Variants in SIGLEC11 observed in about 807,000 individuals in gnomAD.
The protein encoded by SIGLEC11 is sialic acid binding Ig like lectin 11.
SIGLEC11 carries 47 observed loss-of-function variants against 61.2 expected under a neutral mutation model. The ratio of observed to expected loss-of-function variants is 0.77; its 90% CI spans 0.61 to 0.98. SIGLEC11 has a LOEUF of 0.98. SIGLEC11 is among the 50% of genes least tolerant of loss of function. The pLI is 0.00. For missense variants in SIGLEC11, 610 were observed against 870.3 expected (o/e 0.70, Z 3.76); for synonymous variants, 278 against 373.1 (o/e 0.75, Z 2.94).
intron 8 of SIGLEC11, among the ~76,000 whole-genome samples, chr19:49,953,504 A>G (rs1342531453): frequency 6.6e-6 from 1 of 152,176 alleles, no homozygotes; most frequent in Admixed American, 6.5e-5. Context: ...TACCACCCTA[A>G]TTAGGAACTT....
At chr19:49,954,101 G>A (rs995887716) in intron 8 of SIGLEC11, among the ~76,000 whole-genome samples, 1 of 152,092 alleles carries the variant, frequency 6.6e-6, no homozygotes, top group Admixed American at 6.5e-5. Context: ...GCACAGACAA[G>A]ACTAACCTGG....
At chr19:49,952,119 G>C in intron 9 of SIGLEC11, 147 bp from the exon 10 acceptor site, 1 of 1,018,256 alleles carries the variant, frequency 9.8e-7, no homozygotes, top group African/African-American at 1.6e-5. Context: ...AGTGAGAACT[G>C]GGGACCCTCA....
Position 49,960,376 on chromosome 19 carries a change from G to T in SIGLEC11, c.506C>A (p.Pro169His). The T allele has an allele frequency of 6.3e-7, 1 of 1,598,854 alleles. No individual in the cohort carries two copies. Among genetic ancestry groups the T allele is most frequent in the Non-Finnish European group, 8.5e-7 (1 of 1,178,474 alleles). ...ACAGATGACCGTCACCGGCTGCCCG[G>T]GCTCCAGGGTCTCGGGGATGTAGAC... ...PDVYIPETLE[P>H]GQPVTVICVF... Residue 169 changes from proline to histidine, a missense_variant, in exon 3 of 11, where the codon CCC becomes CAC. By Grantham distance (77) the Pro-to-His change is moderately conservative. Coordinates refer to ENST00000447370, the MANE Select transcript of SIGLEC11 (RefSeq NM_052884.3).
Position 49,949,805 on chromosome 19 carries a change from G to T in SIGLEC11, c.*165C>A. On this transcript the variant is annotated 3_prime_UTR_variant, in exon 11 of 11. Transcript: ENST00000447370. ...TACAGTGAGCTGAGATTGCACCACTGGACTCTGGCCTGGAGGACAGAGTCA... is the reference window on the plus strand; with the variant it reads ...TACAGTGAGCTGAGATTGCACCACTTGACTCTGGCCTGGAGGACAGAGTCA... 1 of 640,864 alleles carries T rather than the reference G, an allele frequency of 1.6e-6. No individual in the cohort carries two copies. The highest frequency in any genetic ancestry group is 2.2e-6 in the Non-Finnish European group (1 of 446,372). 39.7% of individuals were successfully genotyped at this position (640,864 alleles called of 1,614,324 possible).
At chr19:49,960,461 G>A (rs748201465) in intron 2 of SIGLEC11, 40 bp from the exon 3 acceptor site, 13 of 1,593,524 alleles carry the variant, frequency 8.2e-6, no homozygotes, top group South Asian at 2.2e-5. Context: ...GTGCTGCAGG[G>A]GTCCCTGAGA....
rs2076190512 is a variant in SIGLEC11 at position 49,955,626 on chromosome 19, C to T, written c.1651+2657G>A. On this transcript the variant is annotated intron_variant, in intron 8 of 10. Transcript: ENST00000447370. This position sits in a 1 kb window ranked among gnomAD's most constrained non-coding sequence, Gnocchi z 4.5. ...AAAAAAAAGGCCAATCTGTTGGCAGCAGCCCTCATAAAAAGAAAAATTAGC... is the reference window on the plus strand; with the variant it reads ...AAAAAAAAGGCCAATCTGTTGGCAGTAGCCCTCATAAAAAGAAAAATTAGC... Among the ~76,000 whole-genome samples the T allele has an allele frequency of 2.6e-5, 4 of 152,140 alleles. No homozygotes were observed. In the South Asian group the frequency reaches 8.3e-4, roughly 32 times the overall value.
Position 49,950,149 on chromosome 19 carries a change from GCT to G in SIGLEC11, c.1916_1917del (p.Glu639AlafsTer79). ...CTGAGGGAGGCATAGTGGAGCTCCT[GCT>G]CTTCCCCCTTCCCCGGGGTGTAGGT... is the stretch of plus-strand genomic sequence containing the variant. ...AATYTPGKGE[E>X]QELHYASLSF... On this transcript the variant is annotated frameshift_variant, in exon 11 of 11. Coordinates refer to ENST00000447370, the MANE Select transcript of SIGLEC11 (RefSeq NM_052884.3). LOFTEE classifies it low-confidence loss of function (END_TRUNC). 6.2e-7 allele frequency: 1 copy of G among 1,612,014 alleles called. No individual in the cohort carries two copies. The highest frequency in any genetic ancestry group is 2.2e-5 in the East Asian group (1 of 44,850).
chr19:49,958,001 C>A (rs1220267519), intron 8 of SIGLEC11, among the ~76,000 whole-genome samples: 1 of 151,710 alleles, frequency 6.6e-6, no homozygotes, highest in South Asian at 2.1e-4. Context: ...AAAAAAAAAA[C>A]CAAAAAACAA....
chr19:49,956,715 G>A (rs574017502), intron 8 of SIGLEC11, among the ~76,000 whole-genome samples: 3 of 152,258 alleles, frequency 2.0e-5, no homozygotes, highest in Non-Finnish European at 2.9e-5. Flanking sequence ...GGGTCATGGG[G>A]ATACCACACT....
chr19:49,950,276 G>A, intron 10 of SIGLEC11, 40 bp from the exon 11 acceptor site: 1 of 1,462,572 alleles, frequency 6.8e-7, no homozygotes, highest in South Asian at 1.4e-5. Context: ...TAGGGTCATG[G>A]GGGCTAAGCG....
chr19:49,957,540 CAA>C (rs1457523672), intron 8 of SIGLEC11, among the ~76,000 whole-genome samples: 1 of 151,460 alleles, frequency 6.6e-6, no homozygotes, highest in Non-Finnish European at 1.5e-5. Context: ...AAAAAAAAGA[CAA>C]ATTCTTTTAC....
chr19:49,959,136 G>A (rs2076222576), intron 5 of SIGLEC11, 59 bp from the exon 6 acceptor site: 4 of 1,604,220 alleles, frequency 2.5e-6, no homozygotes, highest in Non-Finnish European at 1.7e-6. Flanking sequence ...CTGGGTAAAG[G>A]GAACTATCCT....
At position 49,950,120 on chromosome 19, in the gene SIGLEC11, G is replaced by C. The variant is rs752397823; in HGVS notation, c.1947C>G (p.Phe649Leu). The change falls in exon 11 of 11, where the codon TTC becomes TTG. Residue 649 changes from phenylalanine to leucine, a missense_variant. Physicochemically the swap from Phe to Leu is conservative, Grantham distance 22. This residue lies in a region of SIGLEC11 where 432 missense variants were observed against 441.5 expected (regional missense o/e 0.98). Coordinates refer to ENST00000447370, the MANE Select transcript of SIGLEC11 (RefSeq NM_052884.3). ...CAGGCTCCCAGAGCCTCAGGCCCTGGAAGCTGAGGGAGGCATAGTGGAGCT... is the reference window on the plus strand; with the variant it reads ...CAGGCTCCCAGAGCCTCAGGCCCTGCAAGCTGAGGGAGGCATAGTGGAGCT... ...EQELHYASLS[F>L]QGLRLWEPAD... is the part of the protein sequence containing the mutation. The C allele has an allele frequency of 2.5e-6, 4 of 1,612,592 alleles. No homozygotes were observed. The African/African-American group carries it at 5.4e-5, about 22-fold the overall frequency.
chr19:49,958,770 G>A lies in SIGLEC11; in HGVS notation c.1236C>T (p.Pro412=). 2 of 1,613,860 alleles carry A rather than the reference G, an allele frequency of 1.2e-6. No homozygotes were observed. Among genetic ancestry groups the A allele is most frequent in the Non-Finnish European group, 1.7e-6 (2 of 1,179,882 alleles). Reference sequence around the variant, plus strand: ...GGACCCCGGGGTCTGAGGGCTGGGAGGGGCCCACGGTCTGTCCCCACCGGG... The same window carrying A: ...GGACCCCGGGGTCTGAGGGCTGGGAAGGGCCCACGGTCTGTCCCCACCGGG... ...SWTRWGQTVG[P]SQPSDPGVLE... Residue 412 remains proline (P), a synonymous_variant, in exon 7 of 11, where the codon CCC becomes CCT. Coordinates refer to ENST00000447370, the MANE Select transcript of SIGLEC11 (RefSeq NM_052884.3).
intron 8 of SIGLEC11, among the ~76,000 whole-genome samples, chr19:49,953,960 A>G (rs2076177588): frequency 6.6e-6 from 1 of 152,176 alleles, no homozygotes; most frequent in South Asian, 2.1e-4. Flanking sequence ...CTTTCTTTTG[A>G]TGTTGGATGG....
Position 49,960,556 on chromosome 19 carries a change from T to C in SIGLEC11, c.456A>G (p.Val152=). 3 of 1,598,076 alleles carry C rather than the reference T, an allele frequency of 1.9e-6. No homozygotes were observed. The highest frequency in any genetic ancestry group is 2.2e-5 in the South Asian group (2 of 90,688). The part of the protein sequence containing the change: ...SFLSNAFFLK[V]TALTKKPDVY... ...GGTTCCCACCCCATTCCATACCTGT[T>C]ACTTTTAGAAAGAACGCATTGCTCA... The change falls in exon 2 of 11, where the codon GTA becomes GTG. Residue 152 remains valine, a synonymous_variant. Transcript: ENST00000447370.
rs1364362896 is a variant in SIGLEC11, at chr19:49,958,809, G to A, written c.1197C>T (p.Ala399=). 2 of 1,613,028 alleles carry A rather than the reference G, an allele frequency of 1.2e-6. No individual in the cohort carries two copies. Among genetic ancestry groups the A allele is most frequent in the Middle Eastern group, 1.7e-4 (1 of 6,058 alleles). The change falls in exon 7 of 11, where the codon GCC becomes GCT. Residue 399 remains alanine, a synonymous_variant. Coordinates refer to ENST00000447370, the MANE Select transcript of SIGLEC11 (RefSeq NM_052884.3). ...GTCCCCACCGGGTCCAGCTCAGCCTGGCTGGGGGGCTGCTGTGGGTGACAC... is the reference window on the plus strand; with the variant it reads ...GTCCCCACCGGGTCCAGCTCAGCCTAGCTGGGGGGCTGCTGTGGGTGACAC... ...LVCVTHSSPP[A]RLSWTRWGQT...
At chr19:49,952,455 C>T (rs2076165319) in intron 8 of SIGLEC11, 61 bp from the exon 9 acceptor site, 3 of 1,264,438 alleles carry the variant, frequency 2.4e-6, no homozygotes, top group South Asian at 1.3e-5. Context: ...CTGCCCCTTC[C>T]TCCCACAGAC....
chr19:49,952,027 A>G, intron 9 of SIGLEC11, 55 bp from the exon 10 acceptor site: 1 of 1,522,292 alleles, frequency 6.6e-7, no homozygotes, highest in Non-Finnish European at 8.9e-7. Context: ...GCCTGGGGAA[A>G]CTGCTACCCA....
Sources: gnomAD v4.1 joint callset for allele counts (sites outside exome capture counted in the v4.1 genomes callset) on GRCh38, gnomAD v4.1.1 for gene constraint, gnomAD v4.1.1 regional missense constraint, Gnocchi (gnomAD v3.1) non-coding constraint, MANE v1.5 for transcripts, NCBI Gene and HGNC (gene_info 2026-07-23, HGNC 2026-07-21) for gene names.